Variants in ZAN observed in about 807,000 individuals in gnomAD.
The protein encoded by ZAN is zonadhesin (gene/pseudogene).
In ZAN, 260 loss-of-function variants were observed where a neutral mutation model predicts 286.2. The observed-to-expected ratio is 0.91, with a 90% CI of 0.82 to 1.01. The LOEUF (loss-of-function observed/expected upper bound fraction) is 1.01. Among genes scored for constraint, ZAN ranks in the 50% least tolerant of loss-of-function variants. The pLI, the probability that ZAN is intolerant of heterozygous loss-of-function variation, is 0.00. For missense variants in ZAN, 3,410 were observed against 3,639.2 expected (o/e 0.94, Z 1.62); for synonymous variants, 1,368 against 1,417.5 (o/e 0.97, Z 0.79).
At chr7:100,794,394 G>C in intron 44 of ZAN, 136 bp downstream of exon 44, 2 of 1,384,864 alleles carry the variant, frequency 1.4e-6, no homozygotes, top group Non-Finnish European at 1.9e-6. Flanking sequence ...TGTAGGGAGG[G>C]ACAAAGGACA....
rs1275055303 is a variant in ZAN at position 100,757,983 on chromosome 7, G to A, written c.3310-219G>A. On this transcript the variant is annotated intron_variant, in intron 15 of 47. Coordinates refer to ENST00000613979, the MANE Select transcript of ZAN (RefSeq NM_003386.3). ...TGCCTGTAGTCCCAGATACTTGGGAGGTTGAGGCAGGAGGATGGTTTGAGC... is the reference window on the plus strand; with the variant it reads ...TGCCTGTAGTCCCAGATACTTGGGAAGTTGAGGCAGGAGGATGGTTTGAGC... Among the ~76,000 whole-genome samples, 8 of 151,456 alleles carry A rather than the reference G, an allele frequency of 5.3e-5. No individual in the cohort carries two copies. The East Asian group carries it at 1.6e-3, about 29-fold the overall frequency.
intron 23 of ZAN, 103 bp downstream of exon 23, chr7:100,765,657 GT>G: frequency 7.1e-7 from 1 of 1,407,572 alleles, no homozygotes; most frequent in Non-Finnish European, 9.5e-7. Flanking sequence ...TTCTTGTTTT[GT>G]TTTGTTTTTG....
At chr7:100,792,671 T>G in intron 42 of ZAN, 192 bp downstream of exon 42, 1 of 1,361,382 alleles carries the variant, frequency 7.3e-7, no homozygotes, top group Non-Finnish European at 9.6e-7. Context: ...AATTTCTGCC[T>G]TAGTCCCAGG....
At chr7:100,745,183 C>T (rs1227225838) in intron 7 of ZAN, among the ~76,000 whole-genome samples, 2 of 151,758 alleles carry the variant, frequency 1.3e-5, no homozygotes, top group African/African-American at 2.4e-5. Flanking sequence ...CGCGCCAGCC[C>T]GTGTCCTTGA....
intron 11 of ZAN, 41 bp from the exon 12 acceptor site, chr7:100,750,584 G>A (rs1171114393): frequency 3.7e-6 from 6 of 1,605,926 alleles, no homozygotes; most frequent in Middle Eastern, 1.7e-4. Flanking sequence ...GGCATGTCCT[G>A]TGCAGGCTTC....
chr7:100,752,527 A>C lies in ZAN; in HGVS notation c.2422A>C (p.Thr808Pro), dbSNP rs571748097. ...TEEPTTPTEE[T>P]TISTEKPSIP... ...AGAGCCCACCACCCCCACTGAGGAG[A>C]CCACCATCTCCACAGAAAAACCCAG... The change falls in exon 14 of 48, where the codon ACC (threonine) becomes CCC (proline). Residue 808 changes from threonine to proline, a missense_variant. Physicochemically the swap from Thr to Pro is conservative, Grantham distance 38. Transcript: ENST00000613979. 1.3e-6 allele frequency: 2 copies of C among 1,590,532 alleles called. No homozygotes were observed. The highest frequency in any genetic ancestry group is 1.5e-5 in the African/African-American group (1 of 66,520).
In ZAN at chr7:100,769,935, G is replaced by A. The variant is rs201112870; in HGVS notation, c.5209G>A (p.Ala1737Thr). ...CTGCCAGGAGAACAGCATGGCAGACGCCTGGAACAAGAACTGTGCGATCTT... is the reference window on the plus strand; with the variant it reads ...CTGCCAGGAGAACAGCATGGCAGACACCTGGAACAAGAACTGTGCGATCTT... Reference protein sequence around the residue: ...SSCQENSMADAWNKNCAILIN... With the variant: ...SSCQENSMADTWNKNCAILIN... The change falls in exon 28 of 48, where the codon GCC becomes ACC. Residue 1737 changes from alanine to threonine, a missense_variant. This residue lies in a region of ZAN where 1,042 missense variants were observed against 1,058.0 expected (regional missense o/e 0.98). Transcript: ENST00000613979. 521 of 1,567,352 alleles carry A rather than the reference G, an allele frequency of 3.3e-4. No individual in the cohort carries two copies. The highest frequency in any genetic ancestry group is 3.8e-4 in the Non-Finnish European group (435 of 1,155,602).
At chr7:100,770,086 AG>A in intron 28 of ZAN, 112 bp downstream of exon 28, 2 of 1,092,496 alleles carry the variant, frequency 1.8e-6, no homozygotes, top group Admixed American at 2.4e-5. Context: ...GAAAAGCATG[AG>A]GAAGGCAAAT....
chr7:100,736,495 A>G lies in ZAN; in HGVS notation c.119A>G (p.Gln40Arg). The G allele has an allele frequency of 6.6e-7, 1 of 1,523,714 alleles. No individual in the cohort carries two copies. The highest frequency in any genetic ancestry group is 9.0e-7 in the Non-Finnish European group (1 of 1,108,020). 94.4% of individuals were successfully genotyped at this position (1,523,714 alleles called of 1,614,324 possible). The change falls in exon 4 of 48, where the codon CAG (glutamine) becomes CGG (arginine). Residue 40 changes from glutamine to arginine, a missense_variant. Physicochemically the swap from Gln to Arg is conservative, Grantham distance 43 (BLOSUM62 1). Transcript: ENST00000613979. ...RSSRDNYVLT[Q>R]CDFEDDAKPL... ...CCATTCTTCCTAGATGTCCTCACCC[A>G]GTGTGATTTTGAGGATGACGCCAAA...
chr7:100,792,994 A>AAG lies in ZAN; in HGVS notation c.7787+516_7787+517insGA, dbSNP rs1554412978. 4.1e-4 allele frequency among the ~76,000 whole-genome samples: 49 copies of AAG among 120,232 alleles called. 1 individual carries two copies. Among genetic ancestry groups the AAG allele is most frequent in the African/African-American group, 1.4e-3 (47 of 33,056 alleles). 78.9% of individuals were successfully genotyped at this position (120,232 alleles called of 152,430 possible). On this transcript the variant is annotated intron_variant, in intron 42 of 47. Coordinates refer to ENST00000613979, the MANE Select transcript of ZAN (RefSeq NM_003386.3). ...CAACATCCTATCTCAAAAAAAAAAA[A>AAG]AAAGAAAGAAAGAAAGAAAGAACGA...
rs1184505780 is a variant in ZAN at position 100,752,808 on chromosome 7, C to G, written c.2703C>G (p.Ile901Met). The G allele has an allele frequency of 1.3e-6, 2 of 1,592,944 alleles. No individual in the cohort carries two copies. The highest frequency in any genetic ancestry group is 2.7e-5 in the African/African-American group (2 of 73,202). ...CCATCTCCACAGAAAAACTCACCAT[C>G]CCCACAGAAAAACCCACCATCTCCC... The part of the protein sequence containing the change: ...ETTISTEKLT[I>M]PTEKPTISPE... The change falls in exon 14 of 48, where the codon ATC (isoleucine) becomes ATG (methionine). Residue 901 changes from isoleucine to methionine, a missense_variant. By Grantham distance (10) the Ile-to-Met change is conservative (BLOSUM62 1). This residue lies in a region of ZAN where 51 missense variants were observed against 105.2 expected (regional missense o/e 0.48). Transcript: ENST00000613979.
chr7:100,777,251 G>T (rs576762806), intron 34 of ZAN, among the ~76,000 whole-genome samples: 6 of 151,944 alleles, frequency 3.9e-5, no homozygotes, highest in Non-Finnish European at 8.8e-5. Flanking sequence ...CACCATATTG[G>T]CCAGGCTGGT....
intron 10 of ZAN, 29 bp downstream of exon 10, chr7:100,748,244 C>T (rs759253403): frequency 2.5e-6 from 4 of 1,613,610 alleles, no homozygotes; most frequent in Non-Finnish European, 3.4e-6. Flanking sequence ...AGGCCCGGAT[C>T]TCTCAGAATC....
chr7:100,742,855 AGACGGAGACGGAGAC>A (rs1235257013), intron 7 of ZAN, among the ~76,000 whole-genome samples: 3 of 8,948 alleles, frequency 3.4e-4, no homozygotes, highest in Non-Finnish European at 4.8e-4. Context: ...GGGGAGAGGG[AGACGGAGACGGAGAC>A]GAGGGAGAGG....
At position 100,737,381 on chromosome 7, in the gene ZAN, C is replaced by A. The variant is rs375717396; in HGVS notation, c.613+32C>A. On this transcript the variant is annotated intron_variant, in intron 6 of 47. Coordinates refer to ENST00000613979, the MANE Select transcript of ZAN (RefSeq NM_003386.3). ...CCCTGTCCCTCCTCCCGCCTGCCCTCGGACCCTTTTCTCTCCGTCCTTGCA... is the reference window on the plus strand; with the variant it reads ...CCCTGTCCCTCCTCCCGCCTGCCCTAGGACCCTTTTCTCTCCGTCCTTGCA... 3.0e-6 allele frequency: 4 copies of A among 1,339,712 alleles called. 1 individual carries two copies. Among genetic ancestry groups the A allele is most frequent in the Non-Finnish European group, 4.1e-6 (4 of 978,492 alleles). The allele number at this position is 1,339,712 out of a possible 1,614,324, so 83.0% of individuals were successfully genotyped here.
Position 100,734,147 on chromosome 7 carries a change from G to A in ZAN, c.-22G>A, listed in dbSNP as rs1300458378. 1 of 1,441,158 alleles carries A rather than the reference G, an allele frequency of 6.9e-7. No homozygotes were observed. Among genetic ancestry groups the A allele is most frequent in the Admixed American group, 2.1e-5 (1 of 48,202 alleles). The allele number at this position is 1,441,158 out of a possible 1,614,324, so 89.3% of individuals were successfully genotyped here. On this transcript the variant is annotated 5_prime_UTR_variant, in exon 2 of 48. Coordinates refer to ENST00000613979, the MANE Select transcript of ZAN (RefSeq NM_003386.3). ...AACTGTGCCCTTCCCCTCTCCCCTG[G>A]GAGCAACCACTTAGGGTCCTCATGG...
intron 6 of ZAN, among the ~76,000 whole-genome samples, chr7:100,737,608 A>G (rs1429831769): frequency 7.1e-6 from 1 of 140,182 alleles, no homozygotes; most frequent in Non-Finnish European, 1.6e-5. Flanking sequence ...TGGGAGGCTG[A>G]GGCAGGAGAA....
intron 38 of ZAN, 91 bp downstream of exon 38, chr7:100,788,227 G>A: frequency 7.1e-7 from 1 of 1,400,166 alleles, no homozygotes; most frequent in Non-Finnish European, 9.3e-7. Context: ...CTGTTCCCTG[G>A]GATGTTTGTG....
intron 7 of ZAN, among the ~76,000 whole-genome samples, chr7:100,742,985 T>C (rs114625274): frequency 0.014 from 1,768 of 125,532 alleles, 149 homozygotes; most frequent in African/African-American, 0.048. Flanking sequence ...AGAGGCTGTT[T>C]AGGAGGCTTT....
Sources: allele counts gnomAD v4.1 joint callset (sites outside exome capture counted in the v4.1 genomes callset), GRCh38; gene constraint gnomAD v4.1.1; regional missense constraint gnomAD v4.1.1; transcripts MANE v1.5; gene names NCBI Gene and HGNC (gene_info 2026-07-23, HGNC 2026-07-21).